SPAG16: variants seen among roughly 807,000 people sequenced by gnomAD.
SPAG16 encodes sperm-associated antigen 16 protein.
SPAG16 carries 86 observed loss-of-function variants against 80.4 expected under a neutral mutation model. The observed-to-expected ratio is 1.07, with a 90% CI of 0.90 to 1.28. The LOEUF (loss-of-function observed/expected upper bound fraction) is 1.28, where lower values mean the gene tolerates loss of function less well. SPAG16 is among the 50% of genes most tolerant of loss of function. The pLI is 0.00. For synonymous variants in SPAG16, 294 were observed against 265.9 expected (o/e 1.11, Z -1.03); for missense variants, 870 against 765.3 (o/e 1.14, Z -1.61).
chr2:213,800,741 C>A (rs892232381), intron 10 of SPAG16, among the ~76,000 whole-genome samples: 1 of 152,138 alleles, frequency 6.6e-6, no homozygotes, highest in African/African-American at 2.4e-5. Context: ...CCAAAAATTT[C>A]TAAATCTCAT....
At chr2:213,653,748 C>A (rs1422245858) in intron 10 of SPAG16, among the ~76,000 whole-genome samples, 1 of 151,936 alleles carries the variant, frequency 6.6e-6, no homozygotes, top group Non-Finnish European at 1.5e-5. Context: ...TATTTTTTTC[C>A]TTTGGAACTA....
chr2:214,150,893 G>A (rs953533694), intron 15 of SPAG16, among the ~76,000 whole-genome samples: 2 of 151,842 alleles, frequency 1.3e-5, no homozygotes, highest in Non-Finnish European at 2.9e-5. Flanking sequence ...TGATTTTAAG[G>A]CCCTTGGTAC....
intron 9 of SPAG16, among the ~76,000 whole-genome samples, chr2:213,405,679 C>G (rs1305846126): frequency 6.6e-6 from 1 of 152,196 alleles, no homozygotes; most frequent in East Asian, 1.9e-4. Flanking sequence ...TTCATTACCT[C>G]CATGAGGCCA....
intron 11 of SPAG16, among the ~76,000 whole-genome samples, chr2:213,921,138 G>T (rs2078204377): frequency 6.6e-6 from 1 of 152,204 alleles, no homozygotes; most frequent in African/African-American, 2.4e-5. Flanking sequence ...TCCCTCTGAA[G>T]CTCTGTCAGG....
At chr2:214,171,062 C>A (rs1041408261) in intron 15 of SPAG16, among the ~76,000 whole-genome samples, 3 of 151,870 alleles carry the variant, frequency 2.0e-5, no homozygotes, top group Non-Finnish European at 4.4e-5. Context: ...TGCCATTGTG[C>A]CTTTACATCC....
chr2:214,126,149 A>G (rs1049036390), intron 14 of SPAG16, among the ~76,000 whole-genome samples: 1 of 148,658 alleles, frequency 6.7e-6, no homozygotes, highest in Non-Finnish European at 1.5e-5. Flanking sequence ...CACGTCTTCA[A>G]AATAGAAGAG....
chr2:213,631,246 T>G (rs1474155548), intron 10 of SPAG16, among the ~76,000 whole-genome samples: 5 of 152,138 alleles, frequency 3.3e-5, no homozygotes, highest in Non-Finnish European at 7.4e-5. Context: ...AATAAATTCA[T>G]TTCAAAACAA....
At chr2:213,492,331 A>G (rs1338506050) in intron 10 of SPAG16, among the ~76,000 whole-genome samples, 1 of 152,128 alleles carries the variant, frequency 6.6e-6, no homozygotes, top group African/African-American at 2.4e-5. Flanking sequence ...AGGTGGGCAG[A>G]TCACTAGGTC....
chr2:214,237,617 C>G (rs536335344), intron 15 of SPAG16, among the ~76,000 whole-genome samples: 1 of 152,042 alleles, frequency 6.6e-6, no homozygotes, highest in African/African-American at 2.4e-5. Context: ...AATTTAGAGA[C>G]CAATATTTTG....
At chr2:214,351,689 C>T (rs1425469826) in intron 15 of SPAG16, among the ~76,000 whole-genome samples, 1 of 149,482 alleles carries the variant, frequency 6.7e-6, no homozygotes, top group Non-Finnish European at 1.5e-5. Context: ...GGTGACAGAG[C>T]GAGACTCCGT....
chr2:213,942,290 A>G (rs1043993586), intron 12 of SPAG16, among the ~76,000 whole-genome samples: 2 of 152,188 alleles, frequency 1.3e-5, no homozygotes, highest in African/African-American at 2.4e-5. Context: ...TCAACTCACA[A>G]GTTGAATTCA....
At chr2:213,409,273 CTATT>C (rs1215722488) in intron 9 of SPAG16, among the ~76,000 whole-genome samples, 9 of 152,012 alleles carry the variant, frequency 5.9e-5, no homozygotes, top group Non-Finnish European at 1.0e-4. Context: ...GAATGTAAAA[CTATT>C]TATTCTATAA....
intron 15 of SPAG16, among the ~76,000 whole-genome samples, chr2:214,389,086 G>A (rs1559264474): frequency 6.6e-6 from 1 of 152,054 alleles, no homozygotes; most frequent in Non-Finnish European, 1.5e-5. Flanking sequence ...TTTCTCTATA[G>A]ATAAGACAAA....
At chr2:213,795,314 G>A (rs887997415) in intron 10 of SPAG16, among the ~76,000 whole-genome samples, 2 of 152,098 alleles carry the variant, frequency 1.3e-5, no homozygotes, top group South Asian at 4.1e-4. Context: ...TATTTACACA[G>A]TACTCAGTAT....
intron 10 of SPAG16, among the ~76,000 whole-genome samples, chr2:213,556,455 T>A (rs2125966393): frequency 6.6e-6 from 1 of 152,094 alleles, no homozygotes; most frequent in Non-Finnish European, 1.5e-5. Flanking sequence ...TAGCTAAACT[T>A]ATATCAGATA....
At chr2:213,608,627 G>A (rs1370515233) in intron 10 of SPAG16, among the ~76,000 whole-genome samples, 1 of 152,208 alleles carries the variant, frequency 6.6e-6, no homozygotes, top group Non-Finnish European at 1.5e-5. Flanking sequence ...AGTGCCACAA[G>A]AAACATTCGT....
At chr2:213,641,914 T>C (rs2062606515) in intron 10 of SPAG16, among the ~76,000 whole-genome samples, 1 of 152,198 alleles carries the variant, frequency 6.6e-6, no homozygotes, top group Admixed American at 6.5e-5. Flanking sequence ...AGTGTGAACA[T>C]GTGAAGGAGG....
At chr2:213,852,896 A>G (rs2074976718) in intron 10 of SPAG16, among the ~76,000 whole-genome samples, 1 of 152,230 alleles carries the variant, frequency 6.6e-6, no homozygotes, top group African/African-American at 2.4e-5. Context: ...ATGTGAAAGT[A>G]CTTTATATAA....
chr2:214,016,965 G>A (rs933627303), intron 13 of SPAG16, among the ~76,000 whole-genome samples: 1 of 152,170 alleles, frequency 6.6e-6, no homozygotes, highest in Non-Finnish European at 1.5e-5. Flanking sequence ...ATGGTGTTAG[G>A]AGGGATGCAA....
Sources: allele counts gnomAD v4.1 joint callset (sites outside exome capture counted in the v4.1 genomes callset), GRCh38; gene constraint gnomAD v4.1.1; transcripts MANE v1.5; gene names NCBI Gene and HGNC (gene_info 2026-07-23, HGNC 2026-07-21).